The following KMO variants were observed in gnomAD, a reference collection of about 807,000 sequenced individuals.
KMO encodes kynurenine 3-monooxygenase, also known as kynurenine 3-hydroxylase.
KMO carries 24 observed loss-of-function variants against 57.8 expected under a neutral mutation model. That is an observed-to-expected ratio of 0.42 (90% CI 0.30 to 0.58). KMO has a LOEUF of 0.58. Ranked by LOEUF, KMO falls within the 20% of genes least tolerant of loss-of-function variation. The pLI is 0.22. For synonymous variants in KMO, 210 were observed against 193.6 expected (o/e 1.08, Z -0.70); for missense variants, 483 against 588.2 (o/e 0.82, Z 1.85).
At position 241,555,593 on chromosome 1, in the gene KMO, T is replaced by C. The variant is rs769925297; in HGVS notation, c.313-19T>C. The C allele has an allele frequency of 7.8e-6, 11 of 1,411,624 alleles. No individual in the cohort carries two copies. In the South Asian group the frequency reaches 9.3e-5, roughly 12 times the overall value. The allele number at this position is 1,411,624 out of a possible 1,614,324, so 87.4% of individuals were successfully genotyped here. A position where few individuals can be genotyped will look rare whatever the true frequency, so the allele number is the denominator to read the frequency against. On this transcript the variant is annotated intron_variant, in intron 4 of 14. Coordinates refer to ENST00000366559, the MANE Select transcript of KMO (RefSeq NM_003679.5). ...CCATTCACCAGAAACAAACAGTATC[T>C]ACTCTACTTTTCTTGCAGTATATTC...
rs956016746 is a variant in KMO at position 241,592,497 on chromosome 1, G to A, written c.*344G>A. The A allele has an allele frequency of 8.3e-5, 22 of 264,340 alleles. No homozygotes were observed. The highest frequency in any genetic ancestry group is 7.4e-4 in the South Asian group (16 of 21,500). The allele number at this position is 264,340 out of a possible 1,614,324, so 16.4% of individuals were successfully genotyped here. ...TTCTTTAAAAGACACAATAGGACTC[G>A]CAACAGCATTGACTCAACACCTAGG... On this transcript the variant is annotated 3_prime_UTR_variant, in exon 15 of 15. Coordinates refer to ENST00000366559, the MANE Select transcript of KMO (RefSeq NM_003679.5).
intron 8 of KMO, 35 bp downstream of exon 8, chr1:241,565,093 A>G (rs756554364): frequency 8.2e-7 from 1 of 1,216,982 alleles, no homozygotes; most frequent in African/African-American, 1.5e-5. Context: ...GTAATTTTGC[A>G]TTTGTAATTA....
In KMO at chr1:241,593,521, A is replaced by C. The variant is rs1573946678; in HGVS notation, c.*1368A>C. 1 of 278,354 alleles carries C rather than the reference A, an allele frequency of 3.6e-6. No homozygotes were observed. Among genetic ancestry groups the C allele is most frequent in the East Asian group, 8.0e-5 (1 of 12,552 alleles). 17.2% of individuals were successfully genotyped at this position (278,354 alleles called of 1,614,324 possible). A position where few individuals can be genotyped will look rare whatever the true frequency, so the allele number is the denominator to read the frequency against. On this transcript the variant is annotated 3_prime_UTR_variant, in exon 15 of 15. Coordinates refer to ENST00000366559, the MANE Select transcript of KMO (RefSeq NM_003679.5). ...CCTTGAGTTCTAATAATCCATGTTC[A>C]GTTTGTAGGGAAAGAAAAAATAATT... is the stretch of plus-strand genomic sequence containing the variant.
chr1:241,546,889 T>G (rs148160613), intron 1 of KMO, among the ~76,000 whole-genome samples: 2 of 152,182 alleles, frequency 1.3e-5, no homozygotes, highest in South Asian at 4.1e-4. Flanking sequence ...GGATGGAGAT[T>G]TGAGAAACTC....
chr1:241,588,981 T>C (rs776323460), intron 12 of KMO, 151 bp downstream of exon 12: 5 of 600,030 alleles, frequency 8.3e-6, no homozygotes, highest in Non-Finnish European at 1.2e-5. Flanking sequence ...TAGCATTCCT[T>C]AGACTTGGGT....
intron 2 of KMO, among the ~76,000 whole-genome samples, chr1:241,549,343 A>G (rs527539093): frequency 2.0e-3 from 307 of 151,856 alleles, no homozygotes; most frequent in African/African-American, 6.8e-3. Context: ...ATGAAAAGAA[A>G]GAAAGAAAGA....
At chr1:241,547,715 T>C (rs1041935826) in intron 1 of KMO, among the ~76,000 whole-genome samples, 2 of 152,184 alleles carry the variant, frequency 1.3e-5, no homozygotes, top group Non-Finnish European at 2.9e-5. Flanking sequence ...CATCAAGTGC[T>C]GGCAAAGATA....
intron 5 of KMO, chr1:241,555,912 G>A (rs921647023): frequency 3.1e-5 from 10 of 320,624 alleles, no homozygotes; most frequent in Admixed American, 2.8e-4. Flanking sequence ...ATGGAGAGAC[G>A]CTATCACTAC....
chr1:241,542,345 C>T (rs1368172350), intron 1 of KMO, among the ~76,000 whole-genome samples: 1 of 152,126 alleles, frequency 6.6e-6, no homozygotes, highest in Non-Finnish European at 1.5e-5. Flanking sequence ...CCCTATACAG[C>T]ACATGACCTG....
chr1:241,533,674 G>C (rs1368112939), intron 1 of KMO, among the ~76,000 whole-genome samples: 1 of 152,190 alleles, frequency 6.6e-6, no homozygotes, highest in Non-Finnish European at 1.5e-5. Context: ...GTTTTAGGTA[G>C]TAGGGATGCG....
intron 3 of KMO, 38 bp downstream of exon 3, chr1:241,549,812 G>C (rs755766339): frequency 6.5e-6 from 8 of 1,238,992 alleles, no homozygotes; most frequent in South Asian, 6.2e-5. Flanking sequence ...ATAATACCTG[G>C]TATTTTTCAA....
chr1:241,540,367 C>CAT (rs546921262), intron 1 of KMO, among the ~76,000 whole-genome samples: 112 of 151,396 alleles, frequency 7.4e-4, no homozygotes, highest in South Asian at 6.0e-3. Flanking sequence ...CATCTATATA[C>CAT]ATATATATAT....
intron 4 of KMO, 49 bp downstream of exon 4, chr1:241,551,093 G>A (rs1307820391): frequency 2.8e-6 from 3 of 1,058,284 alleles, no homozygotes; most frequent in South Asian, 1.4e-5. Flanking sequence ...GGAAGTCAAA[G>A]TCTGGAACTT....
At chr1:241,557,682 G>A (rs1391577096) in intron 5 of KMO, among the ~76,000 whole-genome samples, 2 of 152,192 alleles carry the variant, frequency 1.3e-5, no homozygotes, top group African/African-American at 2.4e-5. Context: ...AAATGAACCA[G>A]CCGGGTGCGG....
chr1:241,572,266 G>A (rs958826751), intron 10 of KMO, among the ~76,000 whole-genome samples: 1 of 152,052 alleles, frequency 6.6e-6, no homozygotes, highest in South Asian at 2.1e-4. Flanking sequence ...CTTCTATCTT[G>A]TTACTTGTTA....
chr1:241,552,593 A>C (rs1661449545), intron 4 of KMO, among the ~76,000 whole-genome samples: 1 of 152,106 alleles, frequency 6.6e-6, no homozygotes, highest in Admixed American at 6.6e-5. Context: ...GCCGTGTACC[A>C]TGGTGGTCCG....
At chr1:241,565,304 A>G (rs550870903) in intron 8 of KMO, among the ~76,000 whole-genome samples, 2 of 152,296 alleles carry the variant, frequency 1.3e-5, no homozygotes, top group East Asian at 3.9e-4. Flanking sequence ...GGTGCCTGTC[A>G]TCTCCACTAA....
intron 12 of KMO, among the ~76,000 whole-genome samples, chr1:241,589,375 T>C (rs1663155524): frequency 6.6e-6 from 1 of 152,182 alleles, no homozygotes; most frequent in Admixed American, 6.5e-5. Flanking sequence ...TAAGTGATTG[T>C]GATTATAGTT....
At chr1:241,556,821 G>A (rs967700669) in intron 5 of KMO, among the ~76,000 whole-genome samples, 8 of 152,148 alleles carry the variant, frequency 5.3e-5, no homozygotes, top group African/African-American at 9.6e-5. Context: ...CCCAGGAGGC[G>A]GAGGTTGCAG....
Sources: gnomAD v4.1 joint callset for allele counts (sites outside exome capture counted in the v4.1 genomes callset) on GRCh38, gnomAD v4.1.1 for gene constraint, MANE v1.5 for transcripts, NCBI Gene and HGNC (gene_info 2026-07-23, HGNC 2026-07-21) for gene names.